LRP6: variants seen among roughly 807,000 people sequenced by gnomAD.
LRP6 encodes the protein low-density lipoprotein receptor-related protein 6.
In LRP6, 43 loss-of-function variants were observed where a neutral mutation model predicts 184.1. The ratio of observed to expected loss-of-function variants is 0.23; its 90% CI spans 0.18 to 0.30. The LOEUF (loss-of-function observed/expected upper bound fraction) is 0.30. Ranked by LOEUF, LRP6 falls within the 10% of genes least tolerant of loss-of-function variation. The probability of loss-of-function intolerance (pLI) is 1.00; values close to 1 mark genes in which losing one functional copy is unlikely to be tolerated. For synonymous variants in LRP6, 719 were observed against 684.9 expected (o/e 1.05, Z -0.78); for missense variants, 1,571 against 2,005.3 (o/e 0.78, Z 4.14).
chr12:12,162,681 G>A (rs545125855), intron 9 of LRP6, among the ~76,000 whole-genome samples: 1 of 152,268 alleles, frequency 6.6e-6, no homozygotes, highest in East Asian at 1.9e-4. Context: ...ACTAACAGCA[G>A]AATGACTTTA....
intron 2 of LRP6, among the ~76,000 whole-genome samples, chr12:12,209,283 G>GT (rs1236166422): frequency 6.6e-6 from 1 of 152,184 alleles, no homozygotes; most frequent in Non-Finnish European, 1.5e-5. Flanking sequence ...TCAGTGTCTA[G>GT]TTTATGGTGA....
At chr12:12,142,398 A>T (rs1485627065) in intron 15 of LRP6, among the ~76,000 whole-genome samples, 3 of 152,208 alleles carry the variant, frequency 2.0e-5, no homozygotes, top group African/African-American at 4.8e-5. Flanking sequence ...TAAGTAAGCT[A>T]CTGGAACCAA....
In LRP6 at chr12:12,201,904, G is replaced by A. The variant is rs868197300; in HGVS notation, c.647+1299C>T. ...CTCCATGATTACAAAAAGTTTAACT[G>A]AATTCTTTATATCTTTCCTGGTTTT... On this transcript the variant is annotated intron_variant, in intron 3 of 22. Coordinates refer to ENST00000261349, the MANE Select transcript of LRP6 (RefSeq NM_002336.3). Among the ~76,000 whole-genome samples the A allele has an allele frequency of 1.2e-4, 19 of 152,260 alleles. No individual in the cohort carries two copies. In the South Asian group the frequency reaches 1.5e-3, roughly 12 times the overall value.
At chr12:12,173,949 A>T (rs144595400) in intron 7 of LRP6, among the ~76,000 whole-genome samples, 3 of 152,344 alleles carry the variant, frequency 2.0e-5, no homozygotes, top group African/African-American at 7.2e-5. Context: ...GATGGAGTTT[A>T]TCAATATCAT....
chr12:12,145,325 A>G (rs972156001), intron 15 of LRP6, among the ~76,000 whole-genome samples: 50 of 150,458 alleles, frequency 3.3e-4, no homozygotes, highest in African/African-American at 1.2e-3. Flanking sequence ...ACCTGAAGAC[A>G]TTAAAAAAAA....
At chr12:12,152,126 C>A (rs1950089639) in intron 12 of LRP6, among the ~76,000 whole-genome samples, 1 of 152,088 alleles carries the variant, frequency 6.6e-6, no homozygotes, top group African/African-American at 2.4e-5. Flanking sequence ...CTTCCCCGTG[C>A]TGTTCCCATA....
At chr12:12,156,925 C>T (rs1862597124) in intron 12 of LRP6, among the ~76,000 whole-genome samples, 1 of 152,202 alleles carries the variant, frequency 6.6e-6, no homozygotes, top group South Asian at 2.1e-4. Context: ...TAAATCTGGC[C>T]TGCTGCCTGT....
chr12:12,259,185 C>T (rs1032418109), intron 1 of LRP6, among the ~76,000 whole-genome samples: 16 of 151,618 alleles, frequency 1.1e-4, no homozygotes, highest in Non-Finnish European at 2.1e-4. Flanking sequence ...ATCACTTGAA[C>T]CCAGGAGGCA....
At chr12:12,176,205 AG>A (rs577807066) in intron 7 of LRP6, among the ~76,000 whole-genome samples, 44 of 152,222 alleles carry the variant, frequency 2.9e-4, no homozygotes, top group South Asian at 4.2e-4. Context: ...AAAAATCAGG[AG>A]GGGGGGTGGT....
In LRP6 at chr12:12,160,366, T is replaced by A. The variant is rs189424635; in HGVS notation, c.2280-402A>T. 2.0e-4 allele frequency among the ~76,000 whole-genome samples: 31 copies of A among 152,330 alleles called. No homozygotes were observed. The Middle Eastern group carries it at 0.01, about 50-fold the overall frequency. On this transcript the variant is annotated intron_variant, in intron 10 of 22. Coordinates refer to ENST00000261349, the MANE Select transcript of LRP6 (RefSeq NM_002336.3). The stretch of plus-strand genomic sequence containing the variant: ...TATATACTTTTGAATATTAACTAAT[T>A]TGAGTTTTTAATATGCTGAACTTAC...
At chr12:12,248,603 T>C (rs1865247116) in intron 1 of LRP6, among the ~76,000 whole-genome samples, 1 of 146,436 alleles carries the variant, frequency 6.8e-6, no homozygotes, top group Non-Finnish European at 1.5e-5. Context: ...TGCCTCAGCC[T>C]CCCGAGTAGC....
chr12:12,150,640 T>C (rs1950068696), intron 13 of LRP6, among the ~76,000 whole-genome samples, 196 bp downstream of exon 13: 1 of 152,198 alleles, frequency 6.6e-6, no homozygotes. Flanking sequence ...ACAATTTTCA[T>C]CATAATATCA....
intron 21 of LRP6, 78 bp from the exon 22 acceptor site, chr12:12,124,740 A>T: frequency 1.1e-6 from 1 of 886,510 alleles, no homozygotes; most frequent in South Asian, 1.5e-5. Context: ...TTCTTCCTTC[A>T]TCTCTATTAG....
rs77806195 is a variant in LRP6 at position 12,130,748 on chromosome 12, G to T, written c.4081+35C>A. ...AGAAAAAAAATTGTTTAAATTCTCT[G>T]TTAAGAGTAATTTATAGATCTCAGT... On this transcript the variant is annotated intron_variant, in intron 19 of 22. Coordinates refer to ENST00000261349, the MANE Select transcript of LRP6 (RefSeq NM_002336.3). 2.4e-5 allele frequency: 32 copies of T among 1,327,218 alleles called. No homozygotes were observed. The East Asian group carries it at 6.9e-4, about 29-fold the overall frequency. The allele number at this position is 1,327,218 out of a possible 1,614,324, so 82.2% of individuals were successfully genotyped here. A position where few individuals can be genotyped will look rare whatever the true frequency, so the allele number is the denominator to read the frequency against.
chr12:12,243,861 G>A (rs1028097728), intron 2 of LRP6, among the ~76,000 whole-genome samples: 6 of 152,084 alleles, frequency 3.9e-5, no homozygotes, highest in African/African-American at 7.2e-5. Context: ...AGTGATTTTC[G>A]TGCCTCAGCC....
intron 15 of LRP6, among the ~76,000 whole-genome samples, chr12:12,145,014 T>A (rs1481766678): frequency 1.3e-5 from 2 of 152,194 alleles, no homozygotes; most frequent in East Asian, 3.8e-4. Context: ...TATACCTATG[T>A]ATCAAACCTG....
intron 3 of LRP6, among the ~76,000 whole-genome samples, chr12:12,190,847 G>C (rs1049798032): frequency 6.6e-6 from 1 of 152,198 alleles, no homozygotes; most frequent in African/African-American, 2.4e-5. Context: ...TGTCAGCAGT[G>C]ATGGCAAAGC....
Position 12,126,691 on chromosome 12 carries a change from C to G in LRP6, c.4312G>C (p.Gly1438Arg). ...HPSSLSGSLP[G>R]MSRGKSMISS... ...TCTCAATGGATCCATCCTGACTCAC[C>G]TGGAAGAGATCCTGACAAAGAACTT... The change falls in exon 20 of 23, where the codon GGA becomes CGA. Residue 1438 changes from glycine (G) to arginine (R), a missense_variant and splice_region_variant. This residue lies in a region of LRP6 where 763 missense variants were observed against 859.5 expected (regional missense o/e 0.89). Coordinates refer to ENST00000261349, the MANE Select transcript of LRP6 (RefSeq NM_002336.3). The G allele has an allele frequency of 6.2e-7, 1 of 1,613,514 alleles. No homozygotes were observed.
rs772013453 is a variant in LRP6 at position 12,181,065 on chromosome 12, T to C, written c.1351A>G (p.Ile451Val). Residue 451 changes from isoleucine (I) to valine (V), a missense_variant, in exon 6 of 23, where the codon ATT becomes GTT. Physicochemically the swap from Ile to Val is conservative, Grantham distance 29 (BLOSUM62 3). Around this residue, in one of 4 missense-constraint regions of LRP6, gnomAD observed 640 missense variants for 851.9 expected, o/e 0.75. Transcript: ENST00000261349. ...TACCCAACCATGGGATCTAACACAA[T>C]AGCCCGGGGTTCCTCTAAGTCCTCT... The part of the protein sequence containing the change: ...ISEDLEEPRA[I>V]VLDPMVGYMY... The C allele has an allele frequency of 3.7e-6, 6 of 1,613,960 alleles. No homozygotes were observed. In the African/African-American group the frequency reaches 4.0e-5, roughly 11 times the overall value.
Sources: allele counts gnomAD v4.1 joint callset (sites outside exome capture counted in the v4.1 genomes callset), GRCh38; gene constraint gnomAD v4.1.1; regional missense constraint gnomAD v4.1.1; transcripts MANE v1.5; gene names NCBI Gene and HGNC (gene_info 2026-07-23, HGNC 2026-07-21).